EPHA6: variants seen among roughly 807,000 people sequenced by gnomAD.
EPHA6 encodes EPH receptor A6.
Under a neutral mutation model 112.0 loss-of-function variants are expected in EPHA6, and 50 were observed. That is an observed-to-expected ratio of 0.45 (90% CI 0.36 to 0.56). EPHA6 has a LOEUF of 0.56. Among genes scored for constraint, EPHA6 ranks in the 20% least tolerant of loss-of-function variants. The pLI is 0.00. For synonymous variants in EPHA6, 529 were observed against 490.7 expected, an observed-to-expected ratio of 1.08 and a Z score of -1.03; for missense variants, 1,280 against 1,417.4, an observed-to-expected ratio of 0.90 and a Z score of 1.56.
intron 3 of EPHA6, among the ~76,000 whole-genome samples, chr3:97,184,857 C>T (rs1366110309): frequency 6.6e-6 from 1 of 152,048 alleles, no homozygotes; most frequent in African/African-American, 2.4e-5. Flanking sequence ...GTACTGTTAC[C>T]AAAACAGAGA....
intron 6 of EPHA6, among the ~76,000 whole-genome samples, chr3:97,412,339 C>T (rs762099885): frequency 4.6e-5 from 7 of 152,046 alleles, no homozygotes; most frequent in Non-Finnish European, 7.4e-5. Context: ...CAGTCAGGCC[C>T]AAGTTACACC....
intron 5 of EPHA6, among the ~76,000 whole-genome samples, chr3:97,271,995 T>C (rs963797390): frequency 1.3e-5 from 2 of 152,218 alleles, no homozygotes; most frequent in African/African-American, 4.8e-5. Flanking sequence ...TTGTTAACTA[T>C]AGTCCACATG....
chr3:97,273,051 G>T (rs2079945842), intron 5 of EPHA6, among the ~76,000 whole-genome samples: 1 of 152,080 alleles, frequency 6.6e-6, no homozygotes, highest in Non-Finnish European at 1.5e-5. Flanking sequence ...TCTGGTAAGG[G>T]GTGATATTGT....
chr3:97,037,532 A>G (rs1260044941), intron 3 of EPHA6, among the ~76,000 whole-genome samples: 1 of 152,038 alleles, frequency 6.6e-6, no homozygotes, highest in Non-Finnish European at 1.5e-5. Flanking sequence ...GAGGGAAGAG[A>G]TAAAGTTGAA....
At chr3:97,267,201 TAAAC>T (rs2079713720) in intron 5 of EPHA6, among the ~76,000 whole-genome samples, 1 of 152,150 alleles carries the variant, frequency 6.6e-6, no homozygotes, top group Admixed American at 6.5e-5. Flanking sequence ...AAAAGCCACT[TAAAC>T]AAACCTAGTA....
intron 3 of EPHA6, among the ~76,000 whole-genome samples, chr3:97,135,261 T>G (rs1282276003): frequency 6.6e-6 from 1 of 152,160 alleles, no homozygotes; most frequent in Non-Finnish European, 1.5e-5. Context: ...ACAAGCTGCG[T>G]GAACTTGAGA....
At chr3:97,174,841 G>A (rs577033886) in intron 3 of EPHA6, among the ~76,000 whole-genome samples, 42 of 151,962 alleles carry the variant, frequency 2.8e-4, no homozygotes, top group African/African-American at 8.2e-4. Flanking sequence ...CTCCCATTCA[G>A]TGGGTTGTCT....
chr3:97,674,474 A>G (rs1345882950), intron 14 of EPHA6, among the ~76,000 whole-genome samples: 1 of 152,192 alleles, frequency 6.6e-6, no homozygotes, highest in East Asian at 1.9e-4. Context: ...TTATTAATTA[A>G]TTATACCTAT....
intron 13 of EPHA6, among the ~76,000 whole-genome samples, chr3:97,628,054 T>C (rs994032694): frequency 2.0e-5 from 3 of 151,998 alleles, no homozygotes; most frequent in Non-Finnish European, 2.9e-5. Flanking sequence ...CATAGCATGA[T>C]GACCTAATTA....
chr3:96,981,015 C>T (rs187953025), intron 2 of EPHA6, among the ~76,000 whole-genome samples: 7 of 152,262 alleles, frequency 4.6e-5, no homozygotes, highest in Non-Finnish European at 8.8e-5. Flanking sequence ...ATTTGACTTC[C>T]TCTTTTCCTA....
chr3:97,404,741 A>G (rs912887200), intron 5 of EPHA6, among the ~76,000 whole-genome samples: 1 of 152,198 alleles, frequency 6.6e-6, no homozygotes, highest in Non-Finnish European at 1.5e-5. Flanking sequence ...GAGGAAAGGG[A>G]GAAGCCTATA....
intron 13 of EPHA6, among the ~76,000 whole-genome samples, chr3:97,624,430 C>T (rs949114640): frequency 1.3e-5 from 2 of 151,576 alleles, no homozygotes; most frequent in African/African-American, 4.8e-5. Flanking sequence ...ATACTTTTAA[C>T]ATGCTGCTGA....
rs1318541764 is a variant in EPHA6 at position 97,750,366 on chromosome 3, T to C, written c.*1665T>C. On this transcript the variant is annotated 3_prime_UTR_variant, in exon 18 of 18. Transcript: ENST00000389672. ...TTTGTTTTTGTTGTTCGTTTGTTTG[T>C]TTTTGAGACGGAGGCGTTTTGCTCT... 6.6e-6 allele frequency among the ~76,000 whole-genome samples: 1 copy of C among 151,976 alleles called. No individual in the cohort carries two copies. The highest frequency in any genetic ancestry group is 1.9e-4 in the East Asian group (1 of 5,178).
chr3:97,207,352 A>T (rs966576443), intron 3 of EPHA6, among the ~76,000 whole-genome samples: 1 of 152,166 alleles, frequency 6.6e-6, no homozygotes, highest in African/African-American at 2.4e-5. Context: ...TAATACAAAG[A>T]TAGTTTATTC....
chr3:97,079,185 A>G (rs2046635865), intron 3 of EPHA6, among the ~76,000 whole-genome samples: 1 of 152,184 alleles, frequency 6.6e-6, no homozygotes. Flanking sequence ...TACAATAGCA[A>G]AGACATGGAA....
chr3:97,637,805 T>C, intron 13 of EPHA6, 68 bp from the exon 14 acceptor site: 1 of 1,155,176 alleles, frequency 8.7e-7, no homozygotes, highest in African/African-American at 1.5e-5. Context: ...ATAAGGATCT[T>C]ATTTAATACA....
At chr3:97,696,695 T>C (rs2033063320) in intron 14 of EPHA6, among the ~76,000 whole-genome samples, 1 of 152,170 alleles carries the variant, frequency 6.6e-6, no homozygotes, top group Non-Finnish European at 1.5e-5. Flanking sequence ...ATAATTATAA[T>C]AACTAAATTT....
chr3:97,243,797 G>C (rs768757465), intron 4 of EPHA6, among the ~76,000 whole-genome samples, 155 bp from the exon 5 acceptor site: 7 of 151,784 alleles, frequency 4.6e-5, no homozygotes, highest in Non-Finnish European at 7.4e-5. Context: ...GACCTAATGA[G>C]CTATTTTAAC....
intron 5 of EPHA6, among the ~76,000 whole-genome samples, chr3:97,341,200 G>A (rs972422235): frequency 6.6e-6 from 1 of 152,114 alleles, no homozygotes; most frequent in African/African-American, 2.4e-5. Flanking sequence ...GAAAGCAATG[G>A]GCACGTTGGC....
Sources: gnomAD v4.1 joint callset for allele counts (sites outside exome capture counted in the v4.1 genomes callset) on GRCh38, gnomAD v4.1.1 for gene constraint, MANE v1.5 for transcripts, NCBI Gene and HGNC (gene_info 2026-07-23, HGNC 2026-07-21) for gene names.